Variants in MTUS2 observed in about 807,000 individuals in gnomAD.
MTUS2 encodes microtubule-associated tumor suppressor candidate 2.
Under a neutral mutation model 114.1 loss-of-function variants are expected in MTUS2, and 40 were observed. The observed-to-expected ratio is 0.35, with a 90% CI of 0.27 to 0.46. The LOEUF (loss-of-function observed/expected upper bound fraction) is 0.46. Among genes scored for constraint, MTUS2 ranks in the 20% least tolerant of loss-of-function variants. The pLI, the probability that MTUS2 is intolerant of heterozygous loss-of-function variation, is 1.00. For synonymous variants in MTUS2, 688 were observed against 672.0 expected, an observed-to-expected ratio of 1.02 and a Z score of -0.37; for missense variants, 1,679 against 1,705.4, an observed-to-expected ratio of 0.98 and a Z score of 0.27.
chr13:28,959,068 C>T (rs1478743938), intron 2 of MTUS2, among the ~76,000 whole-genome samples: 1 of 152,120 alleles, frequency 6.6e-6, no homozygotes. Context: ...TGCTTCTTGC[C>T]TCATCTGTCT....
intron 9 of MTUS2, among the ~76,000 whole-genome samples, chr13:29,478,041 T>A (rs942648433): frequency 1.3e-5 from 2 of 152,194 alleles, no homozygotes; most frequent in African/African-American, 4.8e-5. Context: ...GAAGAAAACA[T>A]CAGATGCACT....
At chr13:29,020,217 T>C (rs1451330068) in intron 2 of MTUS2, among the ~76,000 whole-genome samples, 1 of 152,232 alleles carries the variant, frequency 6.6e-6, no homozygotes, top group Non-Finnish European at 1.5e-5. Flanking sequence ...GCCATTATTG[T>C]TAACTTTTTG....
chr13:29,364,665 A>T (rs542174263), intron 8 of MTUS2, among the ~76,000 whole-genome samples: 197 of 152,352 alleles, frequency 1.3e-3, no homozygotes, highest in African/African-American at 3.6e-3. Context: ...TCAGGGATTC[A>T]TCAGAATGAA....
At chr13:28,837,084 C>T (rs1021899691) in intron 1 of MTUS2, among the ~76,000 whole-genome samples, 14 of 152,136 alleles carry the variant, frequency 9.2e-5, no homozygotes, top group African/African-American at 3.4e-4. Context: ...CAGACTCCTG[C>T]TGAATCGAGA....
At chr13:29,295,764 A>G (rs1297568683) in intron 6 of MTUS2, among the ~76,000 whole-genome samples, 1 of 152,182 alleles carries the variant, frequency 6.6e-6, no homozygotes, top group Non-Finnish European at 1.5e-5. Flanking sequence ...AGTCCTCACA[A>G]TCATGGTGGA....
intron 5 of MTUS2, among the ~76,000 whole-genome samples, chr13:29,181,439 G>T (rs1216536717): frequency 1.3e-5 from 2 of 152,250 alleles, no homozygotes; most frequent in Admixed American, 6.5e-5. Context: ...ACCAGCCTGG[G>T]TGCAAATAGA....
intron 5 of MTUS2, among the ~76,000 whole-genome samples, chr13:29,241,131 C>T (rs1202311351): frequency 6.6e-6 from 1 of 152,104 alleles, no homozygotes; most frequent in African/African-American, 2.4e-5. Context: ...GGGGAAGACC[C>T]TTCAACAGAG....
intron 2 of MTUS2, among the ~76,000 whole-genome samples, chr13:28,844,590 A>AGTGTGTGTGTGTGTGT (rs60819520): frequency 8.2e-4 from 121 of 148,192 alleles, no homozygotes; most frequent in South Asian, 2.4e-3. Context: ...TTTGTGTGTG[A>AGTGTGTGTGTGTGTGT]GTGTGTGTGT....
intron 5 of MTUS2, among the ~76,000 whole-genome samples, chr13:29,170,281 A>G (rs1454301114): frequency 6.6e-6 from 1 of 152,186 alleles, no homozygotes; most frequent in Non-Finnish European, 1.5e-5. Flanking sequence ...TACTGTTACT[A>G]TTCTTGTTCT....
intron 7 of MTUS2, among the ~76,000 whole-genome samples, chr13:29,333,080 C>T (rs1032492993): frequency 6.6e-6 from 1 of 152,192 alleles, no homozygotes; most frequent in Non-Finnish European, 1.5e-5. Flanking sequence ...TCTTTGTTCT[C>T]ATTGGTTTCA....
At chr13:29,099,939 T>G (rs1890338205) in intron 4 of MTUS2, among the ~76,000 whole-genome samples, 1 of 152,206 alleles carries the variant, frequency 6.6e-6, no homozygotes, top group African/African-American at 2.4e-5. Flanking sequence ...GATGCTAGAT[T>G]TATAACTTGA....
chr13:29,479,410 G>GGCT (rs1880974745), intron 9 of MTUS2, among the ~76,000 whole-genome samples: 1 of 152,226 alleles, frequency 6.6e-6, no homozygotes, highest in Non-Finnish European at 1.5e-5. Context: ...AGACAGAGCA[G>GGCT]GCTTGGAGAG....
intron 2 of MTUS2, among the ~76,000 whole-genome samples, chr13:28,927,541 G>T (rs1881389790): frequency 6.6e-6 from 1 of 152,180 alleles, no homozygotes; most frequent in South Asian, 2.1e-4. Flanking sequence ...ACTCCAGCAT[G>T]GGTGACAAAA....
At chr13:29,491,050 TG>T (rs1304974788) in intron 11 of MTUS2, among the ~76,000 whole-genome samples, 11 of 145,338 alleles carry the variant, frequency 7.6e-5, no homozygotes, top group African/African-American at 2.7e-4. Flanking sequence ...TGTGTGTGTG[TG>T]GTGGGAGGCA....
chr13:29,017,586 A>G lies in MTUS2; in HGVS notation c.-242-6871A>G, dbSNP rs188864012. ...ACAAATACAAATCAAACTGATGATC[A>G]GAATATACTTTTCTATCTACTCTTA... is the stretch of plus-strand genomic sequence containing the variant. On this transcript the variant is annotated intron_variant, in intron 2 of 15. Transcript: ENST00000612955. Among the ~76,000 whole-genome samples, 210 of 152,336 alleles carry G rather than the reference A, an allele frequency of 1.4e-3. 1 individual carries two copies. In the Middle Eastern group the frequency reaches 0.02, roughly 15 times the overall value.
Position 29,148,770 on chromosome 13 carries a change from G to T in MTUS2, c.2644+47800G>T, listed in dbSNP as rs1290089964. On this transcript the variant is annotated intron_variant, in intron 5 of 15. Coordinates refer to ENST00000612955, the MANE Select transcript of MTUS2 (RefSeq NM_001033602.4). ...TGGGATTACAGGCGTGAGCCACCGC[G>T]CCCGGCCCTGTGTTTGGTTTTCTGT... Among the ~76,000 whole-genome samples, 3 of 60,714 alleles carry T rather than the reference G, an allele frequency of 4.9e-5. 1 individual carries two copies. The East Asian group carries it at 1.8e-3, about 36-fold the overall frequency. The allele number at this position is 60,714 out of a possible 152,430, so 39.8% of individuals were successfully genotyped here.
At chr13:29,096,041 A>T (rs1418034574) in intron 4 of MTUS2, among the ~76,000 whole-genome samples, 1 of 150,982 alleles carries the variant, frequency 6.6e-6, no homozygotes, top group East Asian at 1.9e-4. Context: ...TGTGTGTCTC[A>T]TTTTATTTTT....
At chr13:29,204,552 GACCCAGC>G (rs1895101310) in intron 5 of MTUS2, among the ~76,000 whole-genome samples, 1 of 152,182 alleles carries the variant, frequency 6.6e-6, no homozygotes, top group African/African-American at 2.4e-5. Context: ...GCTGGGTGGA[GACCCAGC>G]ACTTCCCATT....
At chr13:29,492,959 G>T (rs1882297468) in intron 12 of MTUS2, among the ~76,000 whole-genome samples, 1 of 152,200 alleles carries the variant, frequency 6.6e-6, no homozygotes, top group Non-Finnish European at 1.5e-5. Flanking sequence ...AATACAGTTG[G>T]TGAATGCTAC....
Sources: allele counts gnomAD v4.1 joint callset (sites outside exome capture counted in the v4.1 genomes callset), GRCh38; gene constraint gnomAD v4.1.1; transcripts MANE v1.5; gene names NCBI Gene and HGNC (gene_info 2026-07-23, HGNC 2026-07-21).